The following ACTL8 variants were observed in gnomAD, a reference collection of about 807,000 sequenced individuals.
The protein encoded by ACTL8 is actin-like protein 8.
Under a neutral mutation model 9.3 loss-of-function variants are expected in ACTL8, and 3 were observed. The observed-to-expected ratio is 0.32, with a 90% CI of 0.15 to 0.83. The LOEUF is 0.83. Among genes scored for constraint, ACTL8 ranks in the 40% least tolerant of loss-of-function variants. The probability of loss-of-function intolerance (pLI) is 0.57; values close to 1 mark genes in which losing one functional copy is unlikely to be tolerated. For synonymous variants in ACTL8, 224 were observed against 205.9 expected (o/e 1.09, Z -0.75); for missense variants, 381 against 492.2 (o/e 0.77, Z 2.14).
intron 2 of ACTL8, among the ~76,000 whole-genome samples, chr1:17,824,174 C>G (rs1358776715): frequency 6.6e-6 from 1 of 152,142 alleles, no homozygotes; most frequent in African/African-American, 2.4e-5. Flanking sequence ...CCTTGTAGGC[C>G]TGGTAGGCTG....
At chr1:17,780,260 GC>G (rs1472237134) in intron 1 of ACTL8, among the ~76,000 whole-genome samples, 1 of 152,138 alleles carries the variant, frequency 6.6e-6, no homozygotes, top group Non-Finnish European at 1.5e-5. Context: ...CCGGCTTGTA[GC>G]AAAGAAGTGG....
chr1:17,792,002 C>T (rs947383463), intron 1 of ACTL8, among the ~76,000 whole-genome samples: 3 of 151,830 alleles, frequency 2.0e-5, no homozygotes, highest in Non-Finnish European at 4.4e-5. Flanking sequence ...CCTGCCCCCC[C>T]TCATCAACCC....
intron 1 of ACTL8, among the ~76,000 whole-genome samples, chr1:17,765,756 G>A (rs182334312): frequency 5.3e-5 from 8 of 152,220 alleles, no homozygotes; most frequent in Non-Finnish European, 1.2e-4. Context: ...GACAATGTCT[G>A]GCCCCTTGCA....
chr1:17,791,033 G>A (rs2066234946), intron 1 of ACTL8, among the ~76,000 whole-genome samples: 1 of 152,226 alleles, frequency 6.6e-6, no homozygotes, highest in South Asian at 2.1e-4. Flanking sequence ...GAGGGTTGGG[G>A]GGAGGGGGCC....
At chr1:17,817,256 T>A (rs1208394332) in intron 1 of ACTL8, among the ~76,000 whole-genome samples, 5 of 152,004 alleles carry the variant, frequency 3.3e-5, no homozygotes, top group African/African-American at 1.2e-4. Flanking sequence ...TCTTTCAATT[T>A]TGAACACTTC....
At chr1:17,806,092 A>C (rs1056010878) in intron 1 of ACTL8, among the ~76,000 whole-genome samples, 1 of 152,192 alleles carries the variant, frequency 6.6e-6, no homozygotes, top group Non-Finnish European at 1.5e-5. Context: ...GGATCTTATT[A>C]GCCCTGTTTA....
At chr1:17,762,353 T>A (rs1429956412) in intron 1 of ACTL8, among the ~76,000 whole-genome samples, 1 of 152,054 alleles carries the variant, frequency 6.6e-6, no homozygotes, top group Non-Finnish European at 1.5e-5. Flanking sequence ...GGCTACTTTC[T>A]GTTCCTCCCC....
intron 1 of ACTL8, among the ~76,000 whole-genome samples, chr1:17,771,417 A>G (rs897946423): frequency 2.0e-4 from 31 of 152,304 alleles, no homozygotes; most frequent in Middle Eastern, 3.4e-3. Context: ...GTATAGAATA[A>G]TGCCTATTAT....
At position 17,767,489 on chromosome 1, in the gene ACTL8, C is replaced by T. The variant is rs1214068106; in HGVS notation, c.-25+11985C>T. Among the ~76,000 whole-genome samples the T allele has an allele frequency of 2.0e-5, 3 of 152,272 alleles. No homozygotes were observed. The highest frequency in any genetic ancestry group is 3.9e-4 in the East Asian group (2 of 5,160). On this transcript the variant is annotated intron_variant, in intron 1 of 2. Transcript: ENST00000375406. This position sits in a 1 kb window ranked among gnomAD's most constrained non-coding sequence, Gnocchi z 4.7. ...CTGACGTCTGCACATCCTTCTCTCC[C>T]GGCTAAGACCTTCCCTGCTCTCCTG...
chr1:17,806,525 G>A (rs1265376119), intron 1 of ACTL8, among the ~76,000 whole-genome samples: 2 of 152,224 alleles, frequency 1.3e-5, no homozygotes, highest in Non-Finnish European at 2.9e-5. Context: ...AGCTGCTGCT[G>A]GGAGTGGGAC....
At chr1:17,789,775 A>G (rs2066224722) in intron 1 of ACTL8, among the ~76,000 whole-genome samples, 1 of 151,044 alleles carries the variant, frequency 6.6e-6, no homozygotes, top group African/African-American at 2.5e-5. Flanking sequence ...AAGAGAGATA[A>G]CATTTTCCAA....
intron 1 of ACTL8, among the ~76,000 whole-genome samples, chr1:17,791,899 G>T (rs1409563354): frequency 6.6e-6 from 1 of 152,236 alleles, no homozygotes; most frequent in Non-Finnish European, 1.5e-5. Flanking sequence ...CCCCCAACTT[G>T]ATTTCTTCCA....
At chr1:17,815,728 C>G (rs982741285) in intron 1 of ACTL8, among the ~76,000 whole-genome samples, 2 of 152,074 alleles carry the variant, frequency 1.3e-5, no homozygotes, top group Admixed American at 1.3e-4. Flanking sequence ...AAATTTTTAG[C>G]CATTATGTCT....
intron 1 of ACTL8, among the ~76,000 whole-genome samples, chr1:17,781,227 C>CT (rs2066152472): frequency 6.8e-6 from 1 of 146,956 alleles, no homozygotes; most frequent in African/African-American, 2.5e-5. Context: ...ATATCAGGAA[C>CT]ATTTTCTTTC....
At chr1:17,797,425 G>A (rs780119015) in intron 1 of ACTL8, among the ~76,000 whole-genome samples, 5 of 152,198 alleles carry the variant, frequency 3.3e-5, no homozygotes, top group Middle Eastern at 3.2e-3. Context: ...CCATATCGGC[G>A]CTTCCCAGGC....
intron 1 of ACTL8, among the ~76,000 whole-genome samples, chr1:17,770,543 T>A (rs1484493516): frequency 6.6e-6 from 1 of 152,178 alleles, no homozygotes; most frequent in Non-Finnish European, 1.5e-5. Context: ...TTCTTTAGTA[T>A]CCAGAGAGCA....
chr1:17,815,326 A>C (rs945418606), intron 1 of ACTL8, among the ~76,000 whole-genome samples: 2 of 152,170 alleles, frequency 1.3e-5, no homozygotes, highest in African/African-American at 4.8e-5. Context: ...TTTAATTAGC[A>C]TTTCTTTTTA....
chr1:17,821,400 A>G (rs1283779654), intron 1 of ACTL8, among the ~76,000 whole-genome samples: 1 of 152,170 alleles, frequency 6.6e-6, no homozygotes, highest in Non-Finnish European at 1.5e-5. Flanking sequence ...TTCAGGTTTT[A>G]CATTTATTTC....
At chr1:17,810,549 G>A (rs1001960821) in intron 1 of ACTL8, among the ~76,000 whole-genome samples, 9 of 152,092 alleles carry the variant, frequency 5.9e-5, no homozygotes, top group Non-Finnish European at 5.9e-5. Flanking sequence ...GTCATGTGGC[G>A]AGACTCGCTT....
Sources: gnomAD v4.1 joint callset for allele counts (sites outside exome capture counted in the v4.1 genomes callset) on GRCh38, gnomAD v4.1.1 for gene constraint, Gnocchi (gnomAD v3.1) non-coding constraint, MANE v1.5 for transcripts, NCBI Gene and HGNC (gene_info 2026-07-23, HGNC 2026-07-21) for gene names.